Variants in GNA12 observed in about 807,000 individuals in gnomAD.
GNA12 encodes the protein guanine nucleotide-binding protein subunit alpha-12.
In GNA12, 9 loss-of-function variants were observed where a neutral mutation model predicts 26.0. The observed-to-expected ratio is 0.35, with a 90% CI of 0.21 to 0.60. GNA12 has a LOEUF of 0.60. GNA12 is among the 20% of genes least tolerant of loss of function. GNA12 has a pLI of 0.78. For synonymous variants in GNA12, 264 were observed against 219.6 expected (o/e 1.20, Z -1.79); for missense variants, 405 against 525.8 (o/e 0.77, Z 2.25).
chr7:2,843,306 G>A (rs1334652215), intron 1 of GNA12, among the ~76,000 whole-genome samples: 1 of 152,120 alleles, frequency 6.6e-6, no homozygotes, highest in Non-Finnish European at 1.5e-5. Context: ...ATCCCCAGAA[G>A]CTGGCCCGAG....
intron 2 of GNA12, among the ~76,000 whole-genome samples, chr7:2,789,622 A>G (rs961394804): frequency 1.3e-5 from 2 of 152,172 alleles, no homozygotes; most frequent in African/African-American, 2.4e-5. Flanking sequence ...CTTACAGCAC[A>G]CAGACCGGGT....
At chr7:2,799,781 A>G (rs1187955556) in intron 1 of GNA12, among the ~76,000 whole-genome samples, 1 of 152,230 alleles carries the variant, frequency 6.6e-6, no homozygotes, top group African/African-American at 2.4e-5. Context: ...ATCACCAGCC[A>G]TCAGGAAAAA....
intron 1 of GNA12, among the ~76,000 whole-genome samples, chr7:2,835,037 C>G (rs1778795931): frequency 6.6e-6 from 1 of 152,168 alleles, no homozygotes; most frequent in African/African-American, 2.4e-5. Context: ...TGGCTAAAGG[C>G]TACACTAATG....
chr7:2,760,938 T>G (rs1791524841), intron 2 of GNA12, among the ~76,000 whole-genome samples: 1 of 152,186 alleles, frequency 6.6e-6, no homozygotes, highest in Non-Finnish European at 1.5e-5. Context: ...CCTTCCCCAC[T>G]CCAGCTCCCC....
chr7:2,736,356 C>T (rs1790176070), intron 2 of GNA12, among the ~76,000 whole-genome samples: 2 of 152,182 alleles, frequency 1.3e-5, no homozygotes, highest in Admixed American at 1.3e-4. Context: ...TCAAGATTAA[C>T]ACAAACTTGG....
At chr7:2,807,242 C>T (rs769250705) in intron 1 of GNA12, among the ~76,000 whole-genome samples, 4 of 152,152 alleles carry the variant, frequency 2.6e-5, no homozygotes, top group Non-Finnish European at 5.9e-5. Context: ...TTCTCTACTT[C>T]AAATAAGCTT....
intron 2 of GNA12, among the ~76,000 whole-genome samples, chr7:2,781,719 C>T (rs1328080463): frequency 6.6e-6 from 1 of 151,908 alleles, no homozygotes; most frequent in Admixed American, 6.6e-5. Context: ...GGTGGGCGTA[C>T]AAAAATAAGC....
Position 2,730,592 on chromosome 7 carries a change from G to A in GNA12, c.*589C>T, listed in dbSNP as rs1441832816. The A allele has an allele frequency of 1.3e-5, 2 of 152,572 alleles. No homozygotes were observed. The highest frequency in any genetic ancestry group is 2.9e-5 in the Non-Finnish European group (2 of 68,202). The allele number at this position is 152,572 out of a possible 1,614,324, so 9.5% of individuals were successfully genotyped here. On this transcript the variant is annotated 3_prime_UTR_variant, in exon 4 of 4. Transcript: ENST00000275364. ...CTAGGGGCTCTTAGGAAATCGGCAC[G>A]GGAGTTTGAAAAGGCAACGTGCTCC...
At chr7:2,742,923 G>C (rs1474330405) in intron 2 of GNA12, among the ~76,000 whole-genome samples, 1 of 152,150 alleles carries the variant, frequency 6.6e-6, no homozygotes, top group Non-Finnish European at 1.5e-5. Flanking sequence ...TCTAATAATA[G>C]ACCTGTAGGT....
intron 1 of GNA12, among the ~76,000 whole-genome samples, chr7:2,815,734 T>A (rs1793204345): frequency 6.6e-6 from 1 of 152,222 alleles, no homozygotes; most frequent in Non-Finnish European, 1.5e-5. Flanking sequence ...TGGCCCCGTG[T>A]GCTGTGCCTC....
chr7:2,795,694 A>AGTC (rs2115458802), intron 1 of GNA12, among the ~76,000 whole-genome samples: 1 of 152,126 alleles, frequency 6.6e-6, no homozygotes, highest in African/African-American at 2.4e-5. Context: ...CACAGAAAGA[A>AGTC]GTCTGCTTTC....
chr7:2,843,651 A>G (rs1196998661), intron 1 of GNA12, among the ~76,000 whole-genome samples: 1 of 141,798 alleles, frequency 7.1e-6, no homozygotes, highest in Non-Finnish European at 1.5e-5. Context: ...CATCTCAAAA[A>G]GGGCGAGACG....
chr7:2,763,191 A>ACACACACACACACACACACACACACAC (rs1791652924), intron 2 of GNA12: 4 of 216,890 alleles, frequency 1.8e-5, no homozygotes, highest in African/African-American at 1.1e-4. Flanking sequence ...AAGACACCCC[A>ACACACACACACACACACACACACACAC]ACACACACAC....
intron 1 of GNA12, among the ~76,000 whole-genome samples, chr7:2,838,306 A>G (rs950268727): frequency 6.0e-5 from 9 of 150,536 alleles, no homozygotes; most frequent in Admixed American, 2.7e-4. Context: ...TCAGCCAGGG[A>G]GGATCGCTCA....
rs111906080 is a variant in GNA12 at position 2,804,811 on chromosome 7, C to T, written c.310-9668G>A. 1.7e-3 allele frequency among the ~76,000 whole-genome samples: 254 copies of T among 151,930 alleles called. 1 individual carries two copies. Among genetic ancestry groups the T allele is most frequent in the African/African-American group, 5.8e-3 (241 of 41,410 alleles). On this transcript the variant is annotated intron_variant, in intron 1 of 3. Coordinates refer to ENST00000275364, the MANE Select transcript of GNA12 (RefSeq NM_007353.3). ...TGATGGCTTAAGCCTGTAATCCTAG[C>T]GCTTTGGGAAGCCGAGGCGGGAGGA...
chr7:2,773,946 C>T (rs773420997), intron 2 of GNA12, among the ~76,000 whole-genome samples: 17 of 152,190 alleles, frequency 1.1e-4, no homozygotes, highest in Admixed American at 7.9e-4. Flanking sequence ...CAAGGAAGAA[C>T]GTGCCGCAGA....
intron 1 of GNA12, among the ~76,000 whole-genome samples, chr7:2,834,212 C>G (rs1002014993): frequency 1.2e-4 from 18 of 152,382 alleles, no homozygotes; most frequent in African/African-American, 3.8e-4. Flanking sequence ...TTCGAATTTT[C>G]TGTCTTAGCT....
chr7:2,751,413 A>C (rs974066598), intron 2 of GNA12, among the ~76,000 whole-genome samples: 14 of 151,434 alleles, frequency 9.2e-5, no homozygotes, highest in African/African-American at 2.4e-4. Context: ...AAAAAAAAAA[A>C]CAGCTTATAG....
chr7:2,794,294 T>A (rs928217653), intron 2 of GNA12, among the ~76,000 whole-genome samples: 2 of 152,108 alleles, frequency 1.3e-5, no homozygotes, highest in East Asian at 1.9e-4. Context: ...GGGTGTGTAT[T>A]AATATCAGCT....
Sources: gnomAD v4.1 joint callset for allele counts (sites outside exome capture counted in the v4.1 genomes callset) on GRCh38, gnomAD v4.1.1 for gene constraint, MANE v1.5 for transcripts, NCBI Gene and HGNC (gene_info 2026-07-23, HGNC 2026-07-21) for gene names.